The following MLXIP variants were observed in gnomAD, a reference collection of about 807,000 sequenced individuals.
MLXIP encodes MLX-interacting protein.
A neutral mutation model predicts 87.2 loss-of-function variants in MLXIP; 30 were observed. That is an observed-to-expected ratio of 0.34 (90% confidence interval 0.26 to 0.47). The LOEUF is 0.47. Ranked by LOEUF, MLXIP falls within the 20% of genes least tolerant of loss-of-function variation. The pLI, the probability that MLXIP is intolerant of heterozygous loss-of-function variation, is 1.00. For missense variants in MLXIP, 1,002 were observed against 1,240.1 expected, an observed-to-expected ratio of 0.81 and a Z score of 2.88; for synonymous variants, 530 against 514.0, an observed-to-expected ratio of 1.03 and a Z score of -0.42.
chr12:122,113,327 A>G (rs563744306), intron 1 of MLXIP, among the ~76,000 whole-genome samples: 1 of 152,228 alleles, frequency 6.6e-6, no homozygotes, highest in South Asian at 2.1e-4. Context: ...TGGTGAGTTC[A>G]CAGTTCACTG....
intron 1 of MLXIP, among the ~76,000 whole-genome samples, chr12:122,125,442 A>G (rs4758655): frequency 0.72 from 109,826 of 152,218 alleles, 40,044 homozygotes; most frequent in African/African-American, 0.83. Flanking sequence ...GTGTGTCTAA[A>G]CATGTATGTG....
chr12:122,135,004 C>T lies in MLXIP; in HGVS notation c.1733-220C>T, dbSNP rs1042669884. On this transcript the variant is annotated intron_variant, in intron 9 of 16. Coordinates refer to ENST00000319080, the MANE Select transcript of MLXIP (RefSeq NM_014938.6). The surrounding 1 kb of genome is among the most constrained non-coding windows in gnomAD (Gnocchi z 5.3). ...ATCTTTTTTTTAAAGTTAGTCACAA[C>T]CTACAGTGTGAAAACATGGTCCTGG... 1.8e-5 allele frequency: 10 copies of T among 547,424 alleles called. No homozygotes were observed. The highest frequency in any genetic ancestry group is 7.6e-5 in the African/African-American group (4 of 52,670). The allele number at this position is 547,424 out of a possible 1,614,324, so 33.9% of individuals were successfully genotyped here.
chr12:122,138,923 T>C lies in MLXIP; in HGVS notation c.2493T>C (p.Asn831=), dbSNP rs1332293633. Residue 831 remains asparagine, a synonymous_variant, in exon 15 of 17, where the codon AAT becomes AAC. Transcript: ENST00000319080. ...DEYVKTRTLQ[N]WKFWIFSIII... ...ACGTGAAAACCCGGACCTTGCAGAA[T>C]TGGAAGTTCTGGATTGTATCTTTGG... The C allele has an allele frequency of 1.9e-6, 3 of 1,614,096 alleles. No homozygotes were observed. The highest frequency in any genetic ancestry group is 1.7e-5 in the Admixed American group (1 of 60,036).
chr12:122,135,356 C>A lies in MLXIP; in HGVS notation c.1854+11C>A. On this transcript the variant is annotated intron_variant, in intron 10 of 16. Transcript: ENST00000319080. The surrounding 1 kb of genome is among the most constrained non-coding windows in gnomAD (Gnocchi z 5.3). Reference sequence around the variant, plus strand: ...GCTGCCATCGCCAGGGTGAGGAGGGCCCTAGGCAGACCTGCAGTGTCCTTC... The same window carrying A: ...GCTGCCATCGCCAGGGTGAGGAGGGACCTAGGCAGACCTGCAGTGTCCTTC... 6.2e-7 allele frequency: 1 copy of A among 1,610,322 alleles called. No individual in the cohort carries two copies. The highest frequency in any genetic ancestry group is 1.1e-5 in the South Asian group (1 of 90,608).
rs556150903 is a variant in MLXIP at position 122,083,002 on chromosome 12, T to C, written c.413+3736T>C. ...TGCCTGGCTAATTTTTTATTTTTTG[T>C]AGATATGGGGTGTTGCTATGCTTCT... On this transcript the variant is annotated intron_variant, in intron 1 of 16. Transcript: ENST00000319080. Among the ~76,000 whole-genome samples, 150 of 152,342 alleles carry C rather than the reference T, an allele frequency of 9.8e-4. No homozygotes were observed. In the Middle Eastern group the frequency reaches 0.014, roughly 14 times the overall value.
chr12:122,116,736 T>C (rs1324374893), intron 1 of MLXIP, among the ~76,000 whole-genome samples: 1 of 152,214 alleles, frequency 6.6e-6, no homozygotes, highest in African/African-American at 2.4e-5. Flanking sequence ...ATGCCCAGCA[T>C]TGACCACGTG....
At chr12:122,091,316 A>G (rs1008963154) in intron 1 of MLXIP, among the ~76,000 whole-genome samples, 10 of 152,286 alleles carry the variant, frequency 6.6e-5, no homozygotes, top group South Asian at 4.1e-4. Flanking sequence ...TCCTTGGAGC[A>G]TTCCTTCTAG....
In MLXIP at chr12:122,133,546, G is replaced by A; in HGVS notation, c.1291G>A (p.Val431Ile). 1 of 1,608,128 alleles carries A rather than the reference G, an allele frequency of 6.2e-7. No homozygotes were observed. Among genetic ancestry groups the A allele is most frequent in the South Asian group, 1.1e-5 (1 of 90,146 alleles). Residue 431 changes from valine (V) to isoleucine (I), a missense_variant, in exon 9 of 17, where the codon GTC (valine) becomes ATC (isoleucine). Coordinates refer to ENST00000319080, the MANE Select transcript of MLXIP (RefSeq NM_014938.6). The surrounding 1 kb of genome is among the most constrained non-coding windows in gnomAD (Gnocchi z 4.9). ...PLSVPQPFLP[V>I]FTMPLLSPSP... ...GAGTGTCCCGCAGCCCTTCCTCCCT[G>A]TCTTCACCATGCCCCTGCTGTCTCC... is the stretch of plus-strand genomic sequence containing the variant.
rs1039195849 is a variant in MLXIP, at chr12:122,079,037, C to T, written c.184C>T (p.Arg62Trp). ...AHASAAPPPP[R>W]AGPGREEPPR... The stretch of plus-strand genomic sequence containing the variant: ...CGCGAGCGCCGCGCCACCGCCGCCT[C>T]GGGCCGGGCCGGGCCGCGAGGAACC... The change falls in exon 1 of 17, where the codon CGG becomes TGG. Residue 62 changes from arginine to tryptophan, a missense_variant. This residue lies in a region of MLXIP where 129 missense variants were observed against 104.2 expected (regional missense o/e 1.24). Transcript: ENST00000319080. 36 of 1,397,192 alleles carry T rather than the reference C, an allele frequency of 2.6e-5. No homozygotes were observed. Among genetic ancestry groups the T allele is most frequent in the Admixed American group, 1.6e-4 (5 of 31,178 alleles). The allele number at this position is 1,397,192 out of a possible 1,614,324, so 86.5% of individuals were successfully genotyped here.
rs1420235731 is a variant in MLXIP at position 122,143,805 on chromosome 12, C to G, written c.*1993C>G. On this transcript the variant is annotated 3_prime_UTR_variant, in exon 17 of 17. Coordinates refer to ENST00000319080, the MANE Select transcript of MLXIP (RefSeq NM_014938.6). ...ATCTGTGGGATATAAAATTGGCCTC[C>G]TGCTGCTTCAGCCTACCTCTCCCTC... 3 of 152,296 alleles carry G rather than the reference C, an allele frequency of 2.0e-5. No individual in the cohort carries two copies. The highest frequency in any genetic ancestry group is 7.2e-5 in the African/African-American group (3 of 41,452). The allele number at this position is 152,296 out of a possible 1,614,324, so 9.4% of individuals were successfully genotyped here.
intron 1 of MLXIP, 76 bp downstream of exon 1, chr12:122,079,342 G>T (rs1385074933): frequency 3.8e-6 from 5 of 1,306,228 alleles, no homozygotes; most frequent in Non-Finnish European, 4.3e-6. Context: ...GGGAAGGGCC[G>T]CCTGGCAACC....
At chr12:122,119,866 T>TA (rs1952752117) in intron 1 of MLXIP, among the ~76,000 whole-genome samples, 1 of 152,186 alleles carries the variant, frequency 6.6e-6, no homozygotes, top group Non-Finnish European at 1.5e-5. Flanking sequence ...GATGTGCAGT[T>TA]ACAGTGTTGA....
rs1247770262 is a variant in MLXIP, at chr12:122,078,776, C to A, written c.-78C>A. On this transcript the variant is annotated 5_prime_UTR_variant, in exon 1 of 17. Transcript: ENST00000319080. ...CGGACAGTCGGCGCGCGGGCCGGGC[C>A]GGGCCGGCGCCCCTCTGCCTCGCGC... The A allele has an allele frequency of 9.8e-7, 1 of 1,017,828 alleles. No homozygotes were observed. Among genetic ancestry groups the A allele is most frequent in the Non-Finnish European group, 1.2e-6 (1 of 852,306 alleles). The allele number at this position is 1,017,828 out of a possible 1,614,324, so 63.0% of individuals were successfully genotyped here. A position where few individuals can be genotyped will look rare whatever the true frequency, so the allele number is the denominator to read the frequency against.
At chr12:122,109,240 T>C (rs1245784763) in intron 1 of MLXIP, among the ~76,000 whole-genome samples, 2 of 152,058 alleles carry the variant, frequency 1.3e-5, no homozygotes, top group Non-Finnish European at 2.9e-5. Context: ...AGCTAATTTT[T>C]GTATTTTTAG....
In MLXIP at chr12:122,135,459, A is replaced by G; in HGVS notation, c.1855-30A>G. ...GCCGCCCTGCTGTATATCAGCAGTC[A>G]GGGGTGACCTGTCTCCCATGTCACT... is the stretch of plus-strand genomic sequence containing the variant. On this transcript the variant is annotated intron_variant, in intron 10 of 16. Coordinates refer to ENST00000319080, the MANE Select transcript of MLXIP (RefSeq NM_014938.6). This position sits in a 1 kb window ranked among gnomAD's most constrained non-coding sequence, Gnocchi z 5.3. 6.2e-7 allele frequency: 1 copy of G among 1,609,146 alleles called. No homozygotes were observed. The highest frequency in any genetic ancestry group is 2.2e-5 in the East Asian group (1 of 44,738).
chr12:122,119,354 C>T (rs1206585314), intron 1 of MLXIP, among the ~76,000 whole-genome samples: 1 of 152,084 alleles, frequency 6.6e-6, no homozygotes. Context: ...AAAATTACCC[C>T]GTAGTGTTCC....
At chr12:122,117,538 A>G (rs1490200399) in intron 1 of MLXIP, among the ~76,000 whole-genome samples, 2 of 152,184 alleles carry the variant, frequency 1.3e-5, no homozygotes, top group African/African-American at 4.8e-5. Flanking sequence ...GAAACCACCT[A>G]ATAACCGTGA....
At chr12:122,107,029 G>T (rs1202316648) in intron 1 of MLXIP, among the ~76,000 whole-genome samples, 1 of 152,160 alleles carries the variant, frequency 6.6e-6, no homozygotes, top group Non-Finnish European at 1.5e-5. Context: ...GAGAGCACTG[G>T]CAGGGGTTCA....
intron 1 of MLXIP, among the ~76,000 whole-genome samples, chr12:122,116,248 A>G (rs1427929196): frequency 2.0e-5 from 3 of 151,668 alleles, no homozygotes; most frequent in Non-Finnish European, 4.4e-5. Context: ...CATTTGTGTG[A>G]CTTCCTGAGA....
Sources: gnomAD v4.1 joint callset for allele counts (sites outside exome capture counted in the v4.1 genomes callset) on GRCh38, gnomAD v4.1.1 for gene constraint, gnomAD v4.1.1 regional missense constraint, Gnocchi (gnomAD v3.1) non-coding constraint, MANE v1.5 for transcripts, NCBI Gene and HGNC (gene_info 2026-07-23, HGNC 2026-07-21) for gene names.